The following CSPP1 variants were observed in gnomAD, a reference collection of about 807,000 sequenced individuals.
CSPP1 encodes the protein centrosome and spindle pole associated protein 1.
A neutral mutation model predicts 164.4 loss-of-function variants in CSPP1; 126 were observed. That is an observed-to-expected ratio of 0.77 (90% CI 0.66 to 0.89). The LOEUF is 0.89. Among genes scored for constraint, CSPP1 ranks in the 40% least tolerant of loss-of-function variants. CSPP1 has a pLI of 0.00. For missense variants in CSPP1, 1,395 were observed against 1,449.8 expected, an observed-to-expected ratio of 0.96 and a Z score of 0.61; for synonymous variants, 472 against 476.7, an observed-to-expected ratio of 0.99 and a Z score of 0.13.
At chr8:67,137,373 C>A in intron 16 of CSPP1, 83 bp from the exon 17 acceptor site, 36 of 1,053,938 alleles carry the variant, frequency 3.4e-5, no homozygotes, top group South Asian at 3.3e-4. Context: ...TTTTCTAATA[C>A]AAAAAATAAC....
At chr8:67,104,920 A>G (rs1270754701) in intron 8 of CSPP1, among the ~76,000 whole-genome samples, 2 of 138,582 alleles carry the variant, frequency 1.4e-5, no homozygotes, top group African/African-American at 5.5e-5. Context: ...GATTACAGGC[A>G]TGAGCCACTG....
rs776636407 is a variant in CSPP1 at position 67,137,425 on chromosome 8, G to A, written c.1828-31G>A. The A allele has an allele frequency of 8.0e-5, 109 of 1,358,276 alleles. 1 individual carries two copies. The Middle Eastern group carries it at 1.5e-3, about 19-fold the overall frequency. 84.1% of individuals were successfully genotyped at this position (1,358,276 alleles called of 1,614,324 possible). ...TTCTTGTATCAGAATACTTGTCAGC[G>A]TTTATTTTAAATATATCTTATGTTG... On this transcript the variant is annotated intron_variant, in intron 16 of 30. Transcript: ENST00000678616.
chr8:67,192,647 T>C (rs914559048), intron 29 of CSPP1, among the ~76,000 whole-genome samples: 1 of 152,206 alleles, frequency 6.6e-6, no homozygotes, highest in Non-Finnish European at 1.5e-5. Flanking sequence ...TTTCAGTTTG[T>C]TCTTAATTGT....
Position 67,116,049 on chromosome 8 carries a change from C to G in CSPP1, c.1423C>G (p.His475Asp). 6.2e-7 allele frequency: 1 copy of G among 1,614,142 alleles called. No homozygotes were observed. Among genetic ancestry groups the G allele is most frequent in the Non-Finnish European group, 8.5e-7 (1 of 1,179,996 alleles). ...ATCTGTCCCACCCATCCCATCAGTT[C>G]ATCCTGTTCCTTCTCAAAATGAAGA... ...APSVPPIPSV[H>D]PVPSQNEDLR... Residue 475 changes from histidine to aspartate, a missense_variant, in exon 13 of 31, where the codon CAT becomes GAT. His to Asp is a moderately conservative substitution (Grantham distance 81). Transcript: ENST00000678616.
chr8:67,192,078 G>T (rs28860294), intron 29 of CSPP1, among the ~76,000 whole-genome samples: 3,078 of 127,312 alleles, frequency 0.024, 80 homozygotes, highest in African/African-American at 0.083. Flanking sequence ...TTTTTTTTTT[G>T]TTTTTTTTTT....
chr8:67,161,336 T>G (rs1360979215), intron 21 of CSPP1, among the ~76,000 whole-genome samples: 4 of 152,202 alleles, frequency 2.6e-5, no homozygotes, highest in Non-Finnish European at 4.4e-5. Context: ...TTTAATACAC[T>G]ATAAACTGAA....
At chr8:67,084,008 T>C (rs1440463306) in intron 3 of CSPP1, 1 of 152,240 alleles carries the variant, frequency 6.6e-6, no homozygotes, top group Non-Finnish European at 1.5e-5. Flanking sequence ...GCCAGCATTA[T>C]AAAATTGAAT....
intron 1 of CSPP1, among the ~76,000 whole-genome samples, chr8:67,070,722 A>AATATAT (rs150664487): frequency 2.8e-5 from 4 of 144,888 alleles, no homozygotes; most frequent in Non-Finnish European, 3.0e-5. Flanking sequence ...TATATATGTA[A>AATATAT]ATATATATAT....
intron 1 of CSPP1, chr8:67,065,554 A>G: frequency 4.1e-6 from 4 of 970,672 alleles, no homozygotes; most frequent in South Asian, 4.8e-5. Context: ...TCTTTTCTCC[A>G]TATCATTCTT....
chr8:67,119,843 T>C (rs1459437658), intron 15 of CSPP1, among the ~76,000 whole-genome samples: 1 of 152,182 alleles, frequency 6.6e-6, no homozygotes, highest in Non-Finnish European at 1.5e-5. Context: ...TGTCTTGATA[T>C]TGCCTTTTGA....
chr8:67,118,876 C>T, intron 15 of CSPP1, 55 bp downstream of exon 15: 1 of 1,199,516 alleles, frequency 8.3e-7, no homozygotes. Flanking sequence ...TGTTAAGATA[C>T]ACATAACCTA....
At chr8:67,080,394 T>C (rs1808897718) in intron 3 of CSPP1, among the ~76,000 whole-genome samples, 1 of 152,262 alleles carries the variant, frequency 6.6e-6, no homozygotes, top group African/African-American at 2.4e-5. Context: ...AATTCTTTTC[T>C]GTTAGATACT....
chr8:67,175,553 G>T, intron 26 of CSPP1, 117 bp downstream of exon 26: 2 of 1,215,810 alleles, frequency 1.6e-6, no homozygotes, highest in Non-Finnish European at 2.4e-6. Flanking sequence ...GCAGCCCCAT[G>T]CTCACAGGGT....
intron 28 of CSPP1, among the ~76,000 whole-genome samples, chr8:67,184,998 G>A (rs533074749): frequency 9.8e-4 from 146 of 148,448 alleles, no homozygotes; most frequent in African/African-American, 3.3e-3. Flanking sequence ...CCAGCTGCTC[G>A]GGAGGCTGAG....
chr8:67,195,039 A>G (rs1451394606), intron 30 of CSPP1, among the ~76,000 whole-genome samples: 1 of 152,246 alleles, frequency 6.6e-6, no homozygotes, highest in Non-Finnish European at 1.5e-5. Flanking sequence ...TCCTGAGGTA[A>G]CAGTTACAAA....
chr8:67,157,189 A>G (rs1826828287), intron 19 of CSPP1, among the ~76,000 whole-genome samples: 1 of 152,224 alleles, frequency 6.6e-6, no homozygotes, highest in South Asian at 2.1e-4. Context: ...CAAATTGCTA[A>G]CTAAAAGTAC....
intron 23 of CSPP1, 109 bp downstream of exon 23, chr8:67,163,907 G>C: frequency 1.2e-6 from 1 of 810,360 alleles, no homozygotes. Context: ...AGAGCGGTTA[G>C]GTGCTGTGTA....
chr8:67,141,015 T>G (rs1586457088), intron 17 of CSPP1, among the ~76,000 whole-genome samples: 1 of 152,236 alleles, frequency 6.6e-6, no homozygotes, highest in Non-Finnish European at 1.5e-5. Context: ...AATAGCCATA[T>G]GGGCAATCTT....
chr8:67,083,551 ATATATAT>A (rs1809751687), intron 3 of CSPP1: 5 of 99,922 alleles, frequency 5.0e-5, no homozygotes, highest in African/African-American at 1.6e-4. Context: ...AAAAAAAAAT[ATATATAT>A]ATATATATAT....
Sources: gnomAD v4.1 joint callset for allele counts (sites outside exome capture counted in the v4.1 genomes callset) on GRCh38, gnomAD v4.1.1 for gene constraint, MANE v1.5 for transcripts, NCBI Gene and HGNC (gene_info 2026-07-23, HGNC 2026-07-21) for gene names.